MGAM: variants seen among roughly 807,000 people sequenced by gnomAD.
The protein encoded by MGAM is alpha-1,4-glucosidase.
In MGAM, 253 loss-of-function variants were observed where a neutral mutation model predicts 358.8. The observed-to-expected ratio is 0.71, with a 90% CI of 0.64 to 0.78. MGAM has a LOEUF of 0.78. Among genes scored for constraint, MGAM ranks in the 30% least tolerant of loss-of-function variants. MGAM has a pLI of 0.00. For synonymous variants in MGAM, 1,105 were observed against 1,227.1 expected (o/e 0.90, Z 2.08); for missense variants, 3,080 against 3,432.6 (o/e 0.90, Z 2.57).
At chr7:142,025,298 A>G (rs1001179233) in intron 8 of MGAM, 149 bp downstream of exon 8, 43 of 590,046 alleles carry the variant, frequency 7.3e-5, no homozygotes, top group Non-Finnish European at 1.2e-4. Context: ...TGCTATCCCT[A>G]CTTCATTACC....
rs782620351 is a variant in MGAM, at chr7:142,036,811, A to G, written c.2077-12A>G. On this transcript the variant is annotated splice_polypyrimidine_tract_variant and intron_variant, in intron 17 of 70. Transcript: ENST00000475668. The stretch of plus-strand genomic sequence containing the variant: ...AGCCAAACCACAACTGCAAACTCCT[A>G]TTTCCTCCCAGGACCAGGATCCTGC... 8.7e-6 allele frequency: 14 copies of G among 1,612,312 alleles called. No individual in the cohort carries two copies. Among genetic ancestry groups the G allele is most frequent in the Middle Eastern group, 1.6e-4 (1 of 6,070 alleles).
intron 1 of MGAM, among the ~76,000 whole-genome samples, chr7:141,998,287 G>A (rs896439868): frequency 6.6e-6 from 1 of 152,154 alleles, no homozygotes; most frequent in Admixed American, 6.5e-5. Flanking sequence ...TGTGCAGAAT[G>A]TGCAGGTTCG....
At chr7:142,039,516 TC>T (rs1437712762) in intron 19 of MGAM, among the ~76,000 whole-genome samples, 1 of 151,958 alleles carries the variant, frequency 6.6e-6, no homozygotes, top group Non-Finnish European at 1.5e-5. Context: ...TCCAGTCAGC[TC>T]CCTCCAGGCC....
At position 142,070,599 on chromosome 7, in the gene MGAM, C is replaced by A. The variant is rs1585054865; in HGVS notation, c.5062-395C>A. 3.4e-5 allele frequency among the ~76,000 whole-genome samples: 5 copies of A among 145,758 alleles called. 1 individual carries two copies. In the Middle Eastern group the frequency reaches 0.014, roughly 416 times the overall value. ...GAGGATTCTGCTAAATATCAAAAGG[C>A]ACAGGATAGCCCCATCGCCAGAGAA... On this transcript the variant is annotated intron_variant, in intron 43 of 70. Coordinates refer to ENST00000475668, the MANE Select transcript of MGAM (RefSeq NM_001365693.1).
intron 64 of MGAM, 29 bp from the exon 65 acceptor site, chr7:142,096,302 C>G (rs752945456): frequency 1.3e-6 from 2 of 1,586,186 alleles, no homozygotes; most frequent in Middle Eastern, 1.7e-4. Context: ...CTGTTGGGCT[C>G]TGTTGGGCAC....
chr7:142,027,951 A>G (rs1272439850), intron 10 of MGAM, among the ~76,000 whole-genome samples: 1 of 152,002 alleles, frequency 6.6e-6, no homozygotes. Flanking sequence ...AGATTGGGAG[A>G]CCATAATTAT....
At chr7:142,045,034 G>A (rs190918541) in intron 21 of MGAM, among the ~76,000 whole-genome samples, 1,608 of 87,598 alleles carry the variant, frequency 0.018, 270 homozygotes, top group African/African-American at 0.063. Flanking sequence ...TTGTATACAC[G>A]TGTAATATAT....
At chr7:142,031,091 C>T (rs1807449183) in intron 12 of MGAM, among the ~76,000 whole-genome samples, 1 of 152,126 alleles carries the variant, frequency 6.6e-6, no homozygotes, top group South Asian at 2.1e-4. Context: ...CAAAAAGCAC[C>T]CGTTACTTTC....
In MGAM at chr7:142,052,986, T is replaced by C; in HGVS notation, c.3159+2T>C. ...AAGAATGAAATGCTGCAGTTCAAGGTAAACACAGTACATGTATCAGGTAGT... is the reference window on the plus strand; with the variant it reads ...AAGAATGAAATGCTGCAGTTCAAGGCAAACACAGTACATGTATCAGGTAGT... On this transcript the variant is annotated splice_donor_variant, in intron 26 of 70. Coordinates refer to ENST00000475668, the MANE Select transcript of MGAM (RefSeq NM_001365693.1). LOFTEE classifies it high-confidence loss of function. 6.2e-7 allele frequency: 1 copy of C among 1,613,432 alleles called. No homozygotes were observed. Among genetic ancestry groups the C allele is most frequent in the Non-Finnish European group, 8.5e-7 (1 of 1,179,510 alleles).
rs1816364531 is a variant in MGAM at position 142,100,688 on chromosome 7, G to A, written c.7875-114G>A. 2.0e-5 allele frequency: 17 copies of A among 834,250 alleles called. No homozygotes were observed. In the South Asian group the frequency reaches 2.4e-4, roughly 12 times the overall value. 51.7% of individuals were successfully genotyped at this position (834,250 alleles called of 1,614,324 possible). The stretch of plus-strand genomic sequence containing the variant: ...ACACAAGTCTCTTGAATTCTAGTAT[G>A]CAGTCTTTATCCCCCAAAGCACTTC... On this transcript the variant is annotated intron_variant, in intron 67 of 70. Coordinates refer to ENST00000475668, the MANE Select transcript of MGAM (RefSeq NM_001365693.1).
chr7:142,083,167 G>A, intron 52 of MGAM, 134 bp from the exon 53 acceptor site: 2 of 694,922 alleles, frequency 2.9e-6, no homozygotes, highest in African/African-American at 1.7e-5. Flanking sequence ...AGTTCTATGT[G>A]ATTATGATAG....
intron 63 of MGAM, among the ~76,000 whole-genome samples, chr7:142,095,165 A>T (rs73534473): frequency 0.01 from 1,571 of 152,130 alleles, 23 homozygotes; most frequent in African/African-American, 0.036. Context: ...GGATCTTGCC[A>T]TATTTCCCAA....
At chr7:142,093,816 A>T (rs1402650797) in intron 60 of MGAM, among the ~76,000 whole-genome samples, 1 of 146,338 alleles carries the variant, frequency 6.8e-6, no homozygotes, top group Admixed American at 6.9e-5. Flanking sequence ...TGGAGACATC[A>T]TAATGATCAC....
rs1252998348 is a variant in MGAM, at chr7:142,057,338, GTGA to G, written c.3693+403_3693+405del. On this transcript the variant is annotated intron_variant, in intron 30 of 70. Transcript: ENST00000475668. ...GGGGGTGGTGGTAATGGGTGTGTTGGTGATGATGACGGTGATAGTGGTGGTGAT... is the reference window on the plus strand; with the variant it reads ...GGGGGTGGTGGTAATGGGTGTGTTGGTGATGACGGTGATAGTGGTGGTGAT... Among the ~76,000 whole-genome samples the G allele has an allele frequency of 1.7e-4, 25 of 151,498 alleles. No individual in the cohort carries two copies. In the South Asian group the frequency reaches 2.5e-3, roughly 15 times the overall value.
rs1271533453 is a variant in MGAM at position 142,065,923 on chromosome 7, G to A, written c.4770+92G>A. ...AAAGTAATGCAGTCTCTATTTCCTG[G>A]GATATCTTTAAAAAAAGGTGTTTTT... On this transcript the variant is annotated intron_variant, in intron 40 of 70. Coordinates refer to ENST00000475668, the MANE Select transcript of MGAM (RefSeq NM_001365693.1). 5.7e-6 allele frequency: 6 copies of A among 1,056,904 alleles called. No individual in the cohort carries two copies. The East Asian group carries it at 1.6e-4, about 27-fold the overall frequency. 65.5% of individuals were successfully genotyped at this position (1,056,904 alleles called of 1,614,324 possible). A position where few individuals can be genotyped will look rare whatever the true frequency, so the allele number is the denominator to read the frequency against.
intron 22 of MGAM, among the ~76,000 whole-genome samples, chr7:142,048,522 A>ATTTTTTTTTTTTTTTTTTTTTTTTTT (rs1810636561): frequency 1.1e-4 from 6 of 54,620 alleles, no homozygotes; most frequent in Admixed American, 8.4e-4. Flanking sequence ...CCCAATGTTA[A>ATTTTTTTTTTTTTTTTTTTTTTTTTT]TGTCTTCCTC....
chr7:142,075,729 C>T (rs1348105520), intron 45 of MGAM, among the ~76,000 whole-genome samples: 1 of 145,904 alleles, frequency 6.9e-6, no homozygotes, highest in Non-Finnish European at 1.6e-5. Context: ...TCAAAAATCA[C>T]AGCGAGATGT....
chr7:142,022,382 G>A lies in MGAM; in HGVS notation c.825G>A (p.Arg275=), dbSNP rs374915796. The A allele has an allele frequency of 5.6e-4, 907 of 1,613,518 alleles. 2 individuals carry two copies. Among genetic ancestry groups the A allele is most frequent in the Non-Finnish European group, 7.2e-4 (845 of 1,179,694 alleles). ...GAGAGCATGTGCACCAGCAGTATCG[G>A]CATGATATGAATTGGAAGACCTGGC... is the stretch of plus-strand genomic sequence containing the variant. ...GLGEHVHQQY[R]HDMNWKTWPI... is the part of the protein sequence containing the mutation. Residue 275 remains arginine, a synonymous_variant, in exon 7 of 71, where the codon CGG becomes CGA. Coordinates refer to ENST00000475668, the MANE Select transcript of MGAM (RefSeq NM_001365693.1).
At chr7:142,041,010 T>A (rs1381428228) in intron 21 of MGAM, among the ~76,000 whole-genome samples, 164 bp downstream of exon 21, 2 of 152,132 alleles carry the variant, frequency 1.3e-5, no homozygotes, top group East Asian at 3.9e-4. Flanking sequence ...GCTTTTCAAT[T>A]CTGGGCAAAC....
Sources: allele counts gnomAD v4.1 joint callset (sites outside exome capture counted in the v4.1 genomes callset), GRCh38; gene constraint gnomAD v4.1.1; transcripts MANE v1.5; gene names NCBI Gene and HGNC (gene_info 2026-07-23, HGNC 2026-07-21).